NYX: variants seen among roughly 807,000 people sequenced by gnomAD.
The protein encoded by NYX is leucine-rich repeat protein.
For missense variants in NYX, 481 were observed against 485.4 expected (o/e 0.99, Z 0.09); for synonymous variants, 258 against 245.7 (o/e 1.05, Z -0.47).
At chrX:41,448,602 A>G (rs2064267758) in intron 2 of NYX, among the ~76,000 whole-genome samples, 1 of 99,216 alleles carries the variant, frequency 1.0e-5, no homozygotes, top group African/African-American at 3.8e-5. Context: ...CTCTCGCCCA[A>G]GCTGGGGAGC....
Position 41,474,797 on chromosome X carries a change from C to T in NYX, c.1329C>T (p.Ser443=), listed in dbSNP as rs772437452. 9.2e-6 allele frequency: 11 copies of T among 1,200,545 alleles called. No individual in the cohort carries two copies. The South Asian group carries it at 1.8e-4, about 20-fold the overall frequency. Residue 443 remains serine, a synonymous_variant, in exon 3 of 3, where the codon TCC becomes TCT. Transcript: ENST00000378220. ...CCTCCCTGTCCGACAGCCTCTCCTCCCGTGGGGTGGGAGGCGCGGGCCGGC... is the reference window on the plus strand; with the variant it reads ...CCTCCCTGTCCGACAGCCTCTCCTCTCGTGGGGTGGGAGGCGCGGGCCGGC... The part of the protein sequence containing the change: ...ANASLSDSLS[S]RGVGGAGRQP...
chrX:41,449,163 C>A (rs768752160), intron 2 of NYX, among the ~76,000 whole-genome samples: 1 of 111,681 alleles, frequency 9.0e-6, no homozygotes, highest in South Asian at 3.7e-4. Context: ...TTTTTTCTGA[C>A]CCTCAAGTGA....
intron 2 of NYX, among the ~76,000 whole-genome samples, chrX:41,455,094 T>C (rs1224656031): frequency 9.2e-6 from 1 of 108,850 alleles, no homozygotes; most frequent in Non-Finnish European, 1.9e-5. Flanking sequence ...TTGTCTGAGG[T>C]TTTTGTTTTT....
At chrX:41,458,908 C>T (rs1370924863) in intron 2 of NYX, among the ~76,000 whole-genome samples, 6 of 107,977 alleles carry the variant, frequency 5.6e-5, no homozygotes, top group African/African-American at 1.3e-4. Flanking sequence ...GGTGAAACCC[C>T]GCCTCTACCA....
chrX:41,471,371 C>T (rs1363960171), intron 2 of NYX, among the ~76,000 whole-genome samples: 1 of 111,807 alleles, frequency 8.9e-6, no homozygotes, highest in Non-Finnish European at 1.9e-5. Flanking sequence ...CTCGGCCTCT[C>T]GAAGTGTTGG....
intron 2 of NYX, among the ~76,000 whole-genome samples, chrX:41,462,300 G>A (rs1228199319): frequency 3.6e-5 from 4 of 112,136 alleles, no homozygotes; most frequent in African/African-American, 9.7e-5. Context: ...ATAGACATAC[G>A]CTTTTATTTC....
intron 2 of NYX, among the ~76,000 whole-genome samples, chrX:41,468,089 CTCTAA>C (rs965806871): frequency 1.1e-4 from 12 of 111,829 alleles, no homozygotes; most frequent in Admixed American, 9.6e-5. Flanking sequence ...AAAGTTTAAA[CTCTAA>C]TCTATTTTTT....
intron 2 of NYX, among the ~76,000 whole-genome samples, chrX:41,464,376 C>T (rs1004706079): frequency 9.9e-5 from 11 of 110,808 alleles, no homozygotes; most frequent in East Asian, 5.7e-4. Flanking sequence ...TGGGCTCAAG[C>T]GATCCACCCA....
At chrX:41,452,923 G>A (rs1322916929) in intron 2 of NYX, among the ~76,000 whole-genome samples, 1 of 112,024 alleles carries the variant, frequency 8.9e-6, no homozygotes, top group African/African-American at 3.2e-5. Context: ...AGCCAGTCTT[G>A]TTTTGAAGAT....
chrX:41,472,398 C>G (rs1264453632), intron 2 of NYX: 1 of 1,157,337 alleles, frequency 8.6e-7, no homozygotes, highest in East Asian at 3.0e-5. Context: ...GCCACACGCA[C>G]ACCCTCGTGC....
At chrX:41,456,793 C>T (rs779183493) in intron 2 of NYX, among the ~76,000 whole-genome samples, 1 of 111,633 alleles carries the variant, frequency 9.0e-6, no homozygotes, top group South Asian at 3.8e-4. Context: ...GGAGGCAGGA[C>T]GTATGATGTT....
intron 2 of NYX, among the ~76,000 whole-genome samples, chrX:41,448,942 A>C (rs928201196): frequency 4.5e-5 from 5 of 111,707 alleles, no homozygotes; most frequent in Non-Finnish European, 9.4e-5. Flanking sequence ...CCTAAAGGAA[A>C]AAGAAAAAAT....
intron 2 of NYX, among the ~76,000 whole-genome samples, chrX:41,472,804 T>A (rs1359707837): frequency 9.0e-6 from 1 of 111,569 alleles, no homozygotes; most frequent in Non-Finnish European, 1.9e-5. Flanking sequence ...TATTTATTTA[T>A]TTATTTATTT....
At chrX:41,450,811 AAT>A (rs1183287949) in intron 2 of NYX, among the ~76,000 whole-genome samples, 7 of 34,358 alleles carry the variant, frequency 2.0e-4, no homozygotes, top group Non-Finnish European at 3.2e-4. Context: ...ACACCTGGCT[AAT>A]ATATATATAT....
intron 2 of NYX, 26 bp from the exon 3 acceptor site, chrX:41,473,465 G>A: frequency 1.0e-6 from 1 of 965,430 alleles, no homozygotes; most frequent in Non-Finnish European, 1.3e-6. Flanking sequence ...CCTCCTTCCC[G>A]ACTCCCCACC....
rs1266223208 is a variant in NYX at position 41,466,274 on chromosome X, G to A, written c.23-7217G>A. ...GTGATACCTTGTCTACATAAAATTA[G>A]CTGGGCATGGTGGTACATACTTGTA... On this transcript the variant is annotated intron_variant, in intron 2 of 2. Transcript: ENST00000378220. Among the ~76,000 whole-genome samples the A allele has an allele frequency of 2.7e-5, 3 of 110,852 alleles. No individual in the cohort carries two copies. In the East Asian group the frequency reaches 8.5e-4, roughly 32 times the overall value.
intron 2 of NYX, among the ~76,000 whole-genome samples, chrX:41,470,254 C>T (rs1350119509): frequency 9.1e-6 from 1 of 110,256 alleles, no homozygotes; most frequent in Non-Finnish European, 1.9e-5. Flanking sequence ...TATAGTAGCA[C>T]CAACAGAAAT....
At chrX:41,463,668 G>A (rs12007938) in intron 2 of NYX, among the ~76,000 whole-genome samples, 36,369 of 110,189 alleles carry the variant, frequency 0.33, 4,921 homozygotes, top group African/African-American at 0.5. Context: ...TGATCTGCCC[G>A]CCTCGGCCTC....
rs2064387743 is a variant in NYX, at chrX:41,475,438, G to A, written c.*539G>A. 2 of 119,909 alleles carry A rather than the reference G, an allele frequency of 1.7e-5. No individual in the cohort carries two copies. The highest frequency in any genetic ancestry group is 3.2e-5 in the African/African-American group (1 of 30,882). The allele number at this position is 119,909 out of a possible 1,213,427, so 9.9% of individuals were successfully genotyped here. A position where few individuals can be genotyped will look rare whatever the true frequency, so the allele number is the denominator to read the frequency against. ...ATGGGAGAGAGATTTAAGACAAAGG[G>A]TGGCGGTGGTTCCTGGGGTCTGAGA... On this transcript the variant is annotated 3_prime_UTR_variant, in exon 3 of 3. Transcript: ENST00000378220.
Sources: gnomAD v4.1 joint callset for allele counts (sites outside exome capture counted in the v4.1 genomes callset) on GRCh38, gnomAD v4.1.1 for gene constraint, MANE v1.5 for transcripts, NCBI Gene and HGNC (gene_info 2026-07-23, HGNC 2026-07-21) for gene names.